EPS15L1: variants seen among roughly 807,000 people sequenced by gnomAD.
EPS15L1 encodes epidermal growth factor receptor pathway substrate 15 like 1.
A neutral mutation model predicts 117.1 loss-of-function variants in EPS15L1; 43 were observed. That is an observed-to-expected ratio of 0.37 (90% CI 0.29 to 0.47). EPS15L1 has a LOEUF of 0.47. Among genes scored for constraint, EPS15L1 ranks in the 20% least tolerant of loss-of-function variants. EPS15L1 has a pLI of 0.99. For synonymous variants in EPS15L1, 459 were observed against 470.5 expected, an observed-to-expected ratio of 0.98 and a Z score of 0.32; for missense variants, 981 against 1,164.0, an observed-to-expected ratio of 0.84 and a Z score of 2.29.
In EPS15L1 at chr19:16,355,826, G is replaced by T; in HGVS notation, c.2612C>A (p.Ala871Glu). 6.5e-7 allele frequency: 1 copy of T among 1,536,058 alleles called. No homozygotes were observed. Among genetic ancestry groups the T allele is most frequent in the Non-Finnish European group, 8.7e-7 (1 of 1,146,806 alleles). Reference sequence around the variant, plus strand: ...CTTCTCGCTCTCCCGCTTGGCCCACGCCAGCTGCTGCTCCTCATTGCCAAA... The same window carrying T: ...CTTCTCGCTCTCCCGCTTGGCCCACTCCAGCTGCTGCTCCTCATTGCCAAA... ...TSFGNEEQQL[A>E]WAKRESEKAE... The change falls in exon 24 of 24, where the codon GCG (alanine) becomes GAG (glutamate). Residue 871 changes from alanine (A) to glutamate (E), a missense_variant. By Grantham distance (107) the Ala-to-Glu change is moderately radical (BLOSUM62 -1). Coordinates refer to ENST00000455140, the MANE Select transcript of EPS15L1 (RefSeq NM_001258374.3).
At chr19:16,427,942 G>A (rs550522487) in intron 8 of EPS15L1, among the ~76,000 whole-genome samples, 83 of 150,736 alleles carry the variant, frequency 5.5e-4, no homozygotes, top group Non-Finnish European at 9.4e-4. Context: ...AGTGGCTCAC[G>A]CCTGTAATCC....
chr19:16,469,449 C>T lies in EPS15L1; in HGVS notation c.33+2464G>A, dbSNP rs73928606. ...GGAAAGAGATCTGGATGCATTTCCA[C>T]GGAAGGCTTTTTGGAAAGCAGAAGA... On this transcript the variant is annotated intron_variant, in intron 1 of 23. Transcript: ENST00000455140. 8.3e-3 allele frequency among the ~76,000 whole-genome samples: 1,260 copies of T among 151,820 alleles called. 17 individuals are homozygous for T. The highest frequency in any genetic ancestry group is 0.029 in the African/African-American group (1,211 of 41,384).
intron 1 of EPS15L1, among the ~76,000 whole-genome samples, chr19:16,464,859 A>C (rs147500032): frequency 6.6e-6 from 1 of 152,118 alleles, no homozygotes; most frequent in Non-Finnish European, 1.5e-5. Flanking sequence ...CAAGGCGGGC[A>C]GATCACAAGG....
Position 16,436,178 on chromosome 19 carries a change from G to A in EPS15L1, c.372+759C>T, listed in dbSNP as rs1329822977. Among the ~76,000 whole-genome samples the A allele has an allele frequency of 6.6e-5, 10 of 152,302 alleles. 1 individual carries two copies. In the South Asian group the frequency reaches 2.1e-3, roughly 32 times the overall value. ...TCCAAGAAGGGAGCAAACCAACCGT[G>A]TAAACATGGGACGAAAGTGCTTGGG... On this transcript the variant is annotated intron_variant, in intron 6 of 23. Coordinates refer to ENST00000455140, the MANE Select transcript of EPS15L1 (RefSeq NM_001258374.3).
intron 1 of EPS15L1, among the ~76,000 whole-genome samples, chr19:16,449,580 A>G (rs1045612372): frequency 9.2e-5 from 14 of 151,602 alleles, no homozygotes; most frequent in African/African-American, 3.4e-4. Context: ...CAGTTTCTTA[A>G]AACAACAACA....
chr19:16,386,263 G>C, intron 19 of EPS15L1, 32 bp from the exon 20 acceptor site: 1 of 1,574,014 alleles, frequency 6.4e-7, no homozygotes, highest in Non-Finnish European at 8.7e-7. Context: ...AGAGTAAAAA[G>C]CAGTTCGTTG....
rs1204209509 is a variant in EPS15L1, at chr19:16,428,780, C to A, written c.499-19G>T. The A allele has an allele frequency of 6.2e-7, 1 of 1,600,774 alleles. No homozygotes were observed. The highest frequency in any genetic ancestry group is 1.3e-5 in the African/African-American group (1 of 74,722). On this transcript the variant is annotated intron_variant, in intron 7 of 23. Coordinates refer to ENST00000455140, the MANE Select transcript of EPS15L1 (RefSeq NM_001258374.3). Reference sequence around the variant, plus strand: ...CCCAGACCTGCAAGGGAGAGACCAGCATGGGTAACTGTGGGAGGAAGGACT... The same window carrying A: ...CCCAGACCTGCAAGGGAGAGACCAGAATGGGTAACTGTGGGAGGAAGGACT...
chr19:16,439,525 C>CA (rs1240257908), intron 4 of EPS15L1, among the ~76,000 whole-genome samples: 2 of 151,168 alleles, frequency 1.3e-5, no homozygotes, highest in South Asian at 2.1e-4. Flanking sequence ...CTCGTCTCTA[C>CA]AAAAAAAATA....
chr19:16,393,896 C>T (rs1416797784), intron 18 of EPS15L1, 55 bp downstream of exon 18: 4 of 1,574,792 alleles, frequency 2.5e-6, no homozygotes, highest in Non-Finnish European at 3.5e-6. Flanking sequence ...CATGCGACTT[C>T]TGAGCCAGGA....
chr19:16,367,720 G>A (rs1385737098), intron 22 of EPS15L1, among the ~76,000 whole-genome samples: 13 of 124,538 alleles, frequency 1.0e-4, no homozygotes, highest in Middle Eastern at 6.6e-3. Flanking sequence ...GAAGCCCTCC[G>A]CTTAAAAGCA....
In EPS15L1 at chr19:16,404,753, G is replaced by A. The variant is rs1235322096; in HGVS notation, c.1267-4C>T. The stretch of plus-strand genomic sequence containing the variant: ...GGTCTAGGTCATTTTGTAATTCCTA[G>A]GGAGGAGTTGCAGGGGTTTACGTGA... On this transcript the variant is annotated splice_polypyrimidine_tract_variant and splice_region_variant and intron_variant, in intron 13 of 23. Coordinates refer to ENST00000455140, the MANE Select transcript of EPS15L1 (RefSeq NM_001258374.3). This position sits in a 1 kb window ranked among gnomAD's most constrained non-coding sequence, Gnocchi z 4.2. The A allele has an allele frequency of 2.5e-6, 4 of 1,614,052 alleles. No homozygotes were observed.
At chr19:16,375,292 GTGCA>G in intron 22 of EPS15L1, among the ~76,000 whole-genome samples, 1 of 152,194 alleles carries the variant, frequency 6.6e-6, no homozygotes, top group East Asian at 1.9e-4. Flanking sequence ...GTGCAAACAG[GTGCA>G]TGCATGCATG....
At chr19:16,392,874 A>AG (rs1169746376) in intron 18 of EPS15L1, among the ~76,000 whole-genome samples, 1 of 151,990 alleles carries the variant, frequency 6.6e-6, no homozygotes, top group Non-Finnish European at 1.5e-5. Context: ...GGCAACACAG[A>AG]GAAAAATAAA....
At chr19:16,392,887 A>T (rs1397432974) in intron 18 of EPS15L1, among the ~76,000 whole-genome samples, 5 of 151,970 alleles carry the variant, frequency 3.3e-5, no homozygotes, top group African/African-American at 4.8e-5. Flanking sequence ...AAAATAAAAT[A>T]AAAAATTAGC....
Position 16,425,075 on chromosome 19 carries a change from C to G in EPS15L1, c.792+8G>C, listed in dbSNP as rs752143001. 1 of 1,611,678 alleles carries G rather than the reference C, an allele frequency of 6.2e-7. No individual in the cohort carries two copies. The highest frequency in any genetic ancestry group is 1.1e-5 in the South Asian group (1 of 91,034). On this transcript the variant is annotated splice_region_variant and intron_variant, in intron 9 of 23. Coordinates refer to ENST00000455140, the MANE Select transcript of EPS15L1 (RefSeq NM_001258374.3). ...GAGAGGGGGCTGTGCCCGCTGAGGGCTCCGTACCTGTGTTTGCTTGAGGCT... is the reference window on the plus strand; with the variant it reads ...GAGAGGGGGCTGTGCCCGCTGAGGGGTCCGTACCTGTGTTTGCTTGAGGCT...
At chr19:16,419,700 G>A (rs1047189909) in intron 10 of EPS15L1, among the ~76,000 whole-genome samples, 10 of 152,228 alleles carry the variant, frequency 6.6e-5, no homozygotes, top group Admixed American at 2.6e-4. Context: ...AATGCAGTCC[G>A]TGAACAGAGC....
In EPS15L1 at chr19:16,355,414, G is replaced by A. The variant is rs2091967813; in HGVS notation, c.*291C>T. 3 of 397,510 alleles carry A rather than the reference G, an allele frequency of 7.5e-6. No homozygotes were observed. In the South Asian group the frequency reaches 1.8e-4, roughly 24 times the overall value. 24.6% of individuals were successfully genotyped at this position (397,510 alleles called of 1,614,324 possible). Reference sequence around the variant, plus strand: ...CCCTGGGTGCTTCCTCTCCTCGACTGACCGCTGTGTGTTCGTCCCCAGAGG... The same window carrying A: ...CCCTGGGTGCTTCCTCTCCTCGACTAACCGCTGTGTGTTCGTCCCCAGAGG... On this transcript the variant is annotated 3_prime_UTR_variant, in exon 24 of 24. Coordinates refer to ENST00000455140, the MANE Select transcript of EPS15L1 (RefSeq NM_001258374.3).
At chr19:16,410,976 A>G (rs369940098) in intron 13 of EPS15L1, among the ~76,000 whole-genome samples, 6 of 152,196 alleles carry the variant, frequency 3.9e-5, no homozygotes, top group African/African-American at 7.2e-5. Context: ...AAGGAATTCA[A>G]CGCTAATATA....
rs532584748 is a variant in EPS15L1, at chr19:16,457,968, C to G, written c.33+13945G>C. ...CACAAGGGCCCACTTCCCAGAGTCT[C>G]CCAACTTTCCAAAGTGTACCCCGGG... On this transcript the variant is annotated intron_variant, in intron 1 of 23. Coordinates refer to ENST00000455140, the MANE Select transcript of EPS15L1 (RefSeq NM_001258374.3). Among the ~76,000 whole-genome samples the G allele has an allele frequency of 1.1e-4, 16 of 152,200 alleles. No homozygotes were observed. In the East Asian group the frequency reaches 1.6e-3, roughly 15 times the overall value.
Sources: allele counts gnomAD v4.1 joint callset (sites outside exome capture counted in the v4.1 genomes callset), GRCh38; gene constraint gnomAD v4.1.1; non-coding constraint Gnocchi (gnomAD v3.1); transcripts MANE v1.5; gene names NCBI Gene and HGNC (gene_info 2026-07-23, HGNC 2026-07-21).